FANCD2: variants seen among roughly 807,000 people sequenced by gnomAD.
The protein encoded by FANCD2 is FA complementation group D2.
FANCD2 carries 131 observed loss-of-function variants against 192.3 expected under a neutral mutation model. That is an observed-to-expected ratio of 0.68 (90% CI 0.59 to 0.79). The LOEUF (loss-of-function observed/expected upper bound fraction) is 0.79, where lower values mean the gene tolerates loss of function less well. Ranked by LOEUF, FANCD2 falls within the 30% of genes least tolerant of loss-of-function variation. The pLI, the probability that FANCD2 is intolerant of heterozygous loss-of-function variation, is 0.00. For missense variants in FANCD2, 1,508 were observed against 1,701.6 expected (o/e 0.89, Z 2.00); for synonymous variants, 524 against 612.5 (o/e 0.86, Z 2.13).
intron 40 of FANCD2, among the ~76,000 whole-genome samples, chr3:10,094,690 C>T (rs1053134883): frequency 5.3e-5 from 8 of 151,676 alleles, no homozygotes; most frequent in African/African-American, 1.9e-4. Context: ...TGTAGGTATA[C>T]TCTCAGAAAT....
chr3:10,101,720 G>T lies in FANCD2; in HGVS notation c.*458G>T. ...TAAAGTGGGGTCTTTATTAACTTGT[G>T]GACATCATGGATTGTCTAACACCAT... On this transcript the variant is annotated 3_prime_UTR_variant, in exon 44 of 44. Coordinates refer to ENST00000675286, the MANE Select transcript of FANCD2 (RefSeq NM_001018115.3). 1 of 256,684 alleles carries T rather than the reference G, an allele frequency of 3.9e-6. No homozygotes were observed. The highest frequency in any genetic ancestry group is 7.6e-6 in the Non-Finnish European group (1 of 130,946). The allele number at this position is 256,684 out of a possible 1,614,324, so 15.9% of individuals were successfully genotyped here.
At chr3:10,051,413 AGGAGT>A (rs759789445) in intron 17 of FANCD2, among the ~76,000 whole-genome samples, 2,680 of 36,042 alleles carry the variant, frequency 0.074, 206 homozygotes, top group African/African-American at 0.19. Flanking sequence ...AAAAACAAAA[AGGAGT>A]GAGGGATTTA....
chr3:10,039,548 A>G (rs1406226220), intron 8 of FANCD2, among the ~76,000 whole-genome samples, 173 bp from the exon 9 acceptor site: 3 of 152,248 alleles, frequency 2.0e-5, no homozygotes, highest in Non-Finnish European at 4.4e-5. Flanking sequence ...AAATACGAAG[A>G]GTAGATATCA....
In FANCD2 at chr3:10,041,629, A is replaced by G; in HGVS notation, c.702A>G (p.Leu234=). ...CTTTTTCTACCATTCACAGTGACCT[A>G]CTGATAGAGAATACTTCACTCACTG... The part of the protein sequence containing the change: ...HADVGKELSD[L]LIENTSLTVP... Residue 234 remains leucine, a synonymous_variant, in exon 10 of 44, where the codon CTA becomes CTG. Coordinates refer to ENST00000675286, the MANE Select transcript of FANCD2 (RefSeq NM_001018115.3). The G allele has an allele frequency of 6.2e-7, 1 of 1,612,178 alleles. No homozygotes were observed. The highest frequency in any genetic ancestry group is 1.3e-5 in the African/African-American group (1 of 74,970).
chr3:10,099,166 T>C, intron 43 of FANCD2: 1 of 1,430,092 alleles, frequency 7.0e-7, no homozygotes, highest in South Asian at 1.5e-5. Flanking sequence ...AGTTAAACCA[T>C]TTAAACACAT....
chr3:10,069,896 G>A (rs1693090372), intron 26 of FANCD2, among the ~76,000 whole-genome samples: 1 of 152,030 alleles, frequency 6.6e-6, no homozygotes, highest in South Asian at 2.1e-4. Flanking sequence ...CGTCTGGGAA[G>A]TGAGGAGCGT....
At position 10,101,220 on chromosome 3, in the gene FANCD2, A is replaced by G. The variant is rs1695279907; in HGVS notation, c.4314A>G (p.Glu1438=). 1.2e-6 allele frequency: 2 copies of G among 1,613,462 alleles called. No homozygotes were observed. The highest frequency in any genetic ancestry group is 2.7e-5 in the African/African-American group (2 of 74,886). The part of the protein sequence containing the change: ...DGEEDEVSAG[E]KEQDSDESYD... ...AAGAAGACGAAGTAAGTGCTGGAGAAAAGGAGCAAGATAGTGATGAGAGTT... is the reference window on the plus strand; with the variant it reads ...AAGAAGACGAAGTAAGTGCTGGAGAGAAGGAGCAAGATAGTGATGAGAGTT... Residue 1438 remains glutamate, a synonymous_variant, in exon 44 of 44, where the codon GAA becomes GAG. Transcript: ENST00000675286.
intron 2 of FANCD2, among the ~76,000 whole-genome samples, chr3:10,028,976 C>A (rs1286126321): frequency 6.6e-6 from 1 of 152,148 alleles, no homozygotes; most frequent in Admixed American, 6.6e-5. Context: ...ACTTTTTCTG[C>A]TATACATCAT....
intron 41 of FANCD2, among the ~76,000 whole-genome samples, 165 bp from the exon 42 acceptor site, chr3:10,096,161 A>G (rs945486798): frequency 1.3e-5 from 2 of 152,178 alleles, no homozygotes; most frequent in Admixed American, 6.5e-5. Context: ...TTTAGCTGCC[A>G]TTCTCTTTGG....
chr3:10,029,328 C>T (rs970439204), intron 2 of FANCD2, among the ~76,000 whole-genome samples: 4 of 152,028 alleles, frequency 2.6e-5, no homozygotes, highest in African/African-American at 9.7e-5. Context: ...AGCGAGACTC[C>T]ATCTCTACAA....
At chr3:10,029,002 C>T (rs1291418096) in intron 2 of FANCD2, among the ~76,000 whole-genome samples, 2 of 152,094 alleles carry the variant, frequency 1.3e-5, no homozygotes, top group Admixed American at 6.6e-5. Flanking sequence ...TGTTGAGACA[C>T]AAAGACATAA....
intron 30 of FANCD2, 143 bp downstream of exon 30, chr3:10,078,340 T>G: frequency 1.5e-6 from 1 of 674,950 alleles, no homozygotes; most frequent in Non-Finnish European, 2.7e-6. Context: ...CAGACAATAT[T>G]CATCTTGCTT....
chr3:10,070,397 C>T (rs1209063367), intron 26 of FANCD2, among the ~76,000 whole-genome samples: 1 of 143,338 alleles, frequency 7.0e-6, no homozygotes, highest in African/African-American at 2.6e-5. Context: ...GCCCCCCGCC[C>T]GGCCAGCTGC....
chr3:10,088,893 C>T lies in FANCD2; in HGVS notation c.3626C>T (p.Pro1209Leu). 1 of 1,613,940 alleles carries T rather than the reference C, an allele frequency of 6.2e-7. No individual in the cohort carries two copies. ...GAGGAGATTGCTGGTGTTGGTGTCC[C>T]AGAACTGATCAACTCTCCTAAAGAT... ...AIEEIAGVGVPELINSPKDAS... is the reference protein window; with the variant it reads ...AIEEIAGVGVLELINSPKDAS... Residue 1209 changes from proline to leucine, a missense_variant, in exon 36 of 44, where the codon CCA becomes CTA. Physicochemically the swap from Pro to Leu is moderately conservative, Grantham distance 98. Transcript: ENST00000675286.
chr3:10,040,461 G>A (rs1263127484), intron 9 of FANCD2: 2 of 455,278 alleles, frequency 4.4e-6, no homozygotes, highest in South Asian at 3.1e-5. Flanking sequence ...TTGTTCTTCA[G>A]GGGGTCCTTA....
At chr3:10,039,912 A>G (rs760464202) in intron 9 of FANCD2, 67 bp downstream of exon 9, 1 of 1,586,596 alleles carries the variant, frequency 6.3e-7, no homozygotes, top group Admixed American at 1.7e-5. Flanking sequence ...TGCAGTATGC[A>G]AAGAGCAGTA....
At chr3:10,055,825 T>TA (rs1174142344) in intron 18 of FANCD2, among the ~76,000 whole-genome samples, 8 of 151,774 alleles carry the variant, frequency 5.3e-5, no homozygotes, top group Non-Finnish European at 8.8e-5. Context: ...AAAAAAATAA[T>TA]AATAAATAAA....
intron 30 of FANCD2, 134 bp downstream of exon 30, chr3:10,078,331 A>C: frequency 1.4e-6 from 1 of 712,908 alleles, no homozygotes. Flanking sequence ...CCGTATTGCC[A>C]GACAATATTC....
Position 10,095,196 on chromosome 3 carries a change from A to T in FANCD2, c.3964-4A>T. 1.2e-6 allele frequency: 2 copies of T among 1,611,960 alleles called. No homozygotes were observed. ...TAGAGCATTTATAAACTTATTGGTT[A>T]TAGGAAGATGTTCTGAGCTTACTGG... is the stretch of plus-strand genomic sequence containing the variant. On this transcript the variant is annotated splice_polypyrimidine_tract_variant and splice_region_variant and intron_variant, in intron 40 of 43. Coordinates refer to ENST00000675286, the MANE Select transcript of FANCD2 (RefSeq NM_001018115.3).
Sources: gnomAD v4.1 joint callset for allele counts (sites outside exome capture counted in the v4.1 genomes callset) on GRCh38, gnomAD v4.1.1 for gene constraint, MANE v1.5 for transcripts, NCBI Gene and HGNC (gene_info 2026-07-23, HGNC 2026-07-21) for gene names.